USP28: variants seen among roughly 807,000 people sequenced by gnomAD.
The protein encoded by USP28 is ubiquitin specific peptidase 28, also known as ubiquitin carboxyl-terminal hydrolase 28.
In USP28, 113 loss-of-function variants were observed where a neutral mutation model predicts 145.0. The observed-to-expected ratio is 0.78, with a 90% CI of 0.67 to 0.91. The LOEUF is 0.91. Among genes scored for constraint, USP28 ranks in the 40% least tolerant of loss-of-function variants. The probability of loss-of-function intolerance (pLI) is 0.00; values close to 1 mark genes in which losing one functional copy is unlikely to be tolerated. For synonymous variants in USP28, 447 were observed against 450.9 expected, an observed-to-expected ratio of 0.99 and a Z score of 0.11; for missense variants, 1,201 against 1,289.6, an observed-to-expected ratio of 0.93 and a Z score of 1.05.
chr11:113,856,391 A>C (rs1238764575), intron 1 of USP28, among the ~76,000 whole-genome samples: 1 of 152,246 alleles, frequency 6.6e-6, no homozygotes, highest in African/African-American at 2.4e-5. Context: ...TATAAAAATT[A>C]ACATTTATGA....
intron 3 of USP28, among the ~76,000 whole-genome samples, chr11:113,847,959 T>C (rs1946064380): frequency 6.6e-6 from 1 of 152,152 alleles, no homozygotes. Context: ...CTATCTCAAC[T>C]TCCTCTCATG....
At chr11:113,816,642 A>C (rs1176245312) in intron 13 of USP28, among the ~76,000 whole-genome samples, 1 of 152,212 alleles carries the variant, frequency 6.6e-6, no homozygotes, top group African/African-American at 2.4e-5. Context: ...CCAACAAGGG[A>C]ACAGATATCT....
rs1278575998 is a variant in USP28, at chr11:113,875,507, A to AGGCGCCCAGCCGC, written c.-19_-7dup. 4 of 1,169,216 alleles carry AGGCGCCCAGCCGC rather than the reference A, an allele frequency of 3.4e-6. No individual in the cohort carries two copies. The African/African-American group carries it at 6.5e-5, about 19-fold the overall frequency. 72.4% of individuals were successfully genotyped at this position (1,169,216 alleles called of 1,614,324 possible). A position where few individuals can be genotyped will look rare whatever the true frequency, so the allele number is the denominator to read the frequency against. On this transcript the variant is annotated 5_prime_UTR_variant, in exon 1 of 25. Transcript: ENST00000003302. ...TGCTGCAGCTCCGCAGTCATGGCCG[A>AGGCGCCCAGCCGC]GGCGCCCAGCCGCGGGTCACCGGTC...
At chr11:113,874,257 G>C (rs1949133433) in intron 1 of USP28, among the ~76,000 whole-genome samples, 1 of 151,444 alleles carries the variant, frequency 6.6e-6, no homozygotes, top group South Asian at 2.1e-4. Context: ...TTTGAGACCA[G>C]CCTGACCAAT....
chr11:113,817,896 G>A lies in USP28; in HGVS notation c.1284-59C>T, dbSNP rs563588275. ...AAGGCTGTTTTGTATTTTAAGAGTC[G>A]CTGACAAAAGATCTGTTTATCACAG... On this transcript the variant is annotated intron_variant, in intron 12 of 24. Coordinates refer to ENST00000003302, the Ensembl canonical transcript of USP28. The A allele has an allele frequency of 2.9e-4, 453 of 1,558,116 alleles. 1 individual carries two copies. In the African/African-American group the frequency reaches 5.1e-3, roughly 18 times the overall value.
intron 12 of USP28, among the ~76,000 whole-genome samples, chr11:113,819,207 G>A (rs1405793057): frequency 6.6e-6 from 1 of 151,746 alleles, no homozygotes; most frequent in Non-Finnish European, 1.5e-5. Context: ...CTGCCTCCTG[G>A]GTTCAAGCAA....
intron 3 of USP28, among the ~76,000 whole-genome samples, chr11:113,850,276 C>T (rs1329877622): frequency 1.3e-5 from 2 of 152,228 alleles, no homozygotes; most frequent in East Asian, 1.9e-4. Context: ...AAAAAACTCT[C>T]GCATACAAGG....
exon 25 of USP28, chr11:113,799,405 C>T: frequency 6.2e-7 from 1 of 1,612,674 alleles, no homozygotes; most frequent in Non-Finnish European, 8.5e-7. Flanking sequence ...CTAGGCACAG[C>T]TGCAGATTTT....
At chr11:113,826,748 C>T (rs1022928248) in intron 11 of USP28, among the ~76,000 whole-genome samples, 3 of 151,746 alleles carry the variant, frequency 2.0e-5, no homozygotes. Flanking sequence ...GGAGAAACCC[C>T]GTCTCTACTA....
rs142907658 is a variant in USP28 at position 113,837,168 on chromosome 11, T to A, written c.535-2833A>T. On this transcript the variant is annotated intron_variant, in intron 5 of 24. Transcript: ENST00000003302. ...TATTATACACATTTTATTCAGCTAG[T>A]TCATCATTCTGTTAGTTTTTAGTTT... 4.7e-4 allele frequency among the ~76,000 whole-genome samples: 71 copies of A among 152,328 alleles called. No individual in the cohort carries two copies. In the Middle Eastern group the frequency reaches 0.01, roughly 22 times the overall value.
At chr11:113,831,680 AAC>A (rs1943996755) in intron 8 of USP28, among the ~76,000 whole-genome samples, 1 of 152,152 alleles carries the variant, frequency 6.6e-6, no homozygotes, top group Admixed American at 6.5e-5. Context: ...TAACAAAGTT[AAC>A]AGTTACAGTC....
At chr11:113,855,365 C>T (rs1335254725) in intron 1 of USP28, among the ~76,000 whole-genome samples, 1 of 152,142 alleles carries the variant, frequency 6.6e-6, no homozygotes, top group Non-Finnish European at 1.5e-5. Context: ...AACTGGCTGG[C>T]CCAACTTGAG....
intron 12 of USP28, among the ~76,000 whole-genome samples, chr11:113,823,382 T>C (rs1264155932): frequency 6.6e-6 from 1 of 152,188 alleles, no homozygotes; most frequent in Non-Finnish European, 1.5e-5. Context: ...TAACTAACTG[T>C]GTGACTCTGA....
At chr11:113,867,732 C>T (rs1054350645) in intron 1 of USP28, among the ~76,000 whole-genome samples, 1 of 148,028 alleles carries the variant, frequency 6.8e-6, no homozygotes, top group Admixed American at 6.9e-5. Context: ...TAGCTAGACC[C>T]CAACTCTATG....
At chr11:113,816,639 G>A (rs1019823773) in intron 13 of USP28, among the ~76,000 whole-genome samples, 2 of 152,052 alleles carry the variant, frequency 1.3e-5, no homozygotes, top group African/African-American at 4.8e-5. Flanking sequence ...AGCCCAACAA[G>A]GGAACAGATA....
chr11:113,819,066 A>C (rs186467629), intron 12 of USP28, among the ~76,000 whole-genome samples: 80 of 152,194 alleles, frequency 5.3e-4, no homozygotes, highest in Middle Eastern at 3.4e-3. Context: ...AATTTTCAAA[A>C]ATATATCAAG....
intron 1 of USP28, 62 bp from the exon 2 acceptor site, chr11:113,854,397 T>A: frequency 6.7e-7 from 1 of 1,491,530 alleles, no homozygotes; most frequent in Non-Finnish European, 9.3e-7. Context: ...TGGGTACATT[T>A]AAAGAATAAC....
intron 1 of USP28, among the ~76,000 whole-genome samples, chr11:113,871,634 G>C: frequency 6.6e-6 from 1 of 152,072 alleles, no homozygotes; most frequent in East Asian, 1.9e-4. Flanking sequence ...GAAATGAAAG[G>C]GGGAAAAAGG....
At chr11:113,864,251 T>TA (rs1948046420) in intron 1 of USP28, among the ~76,000 whole-genome samples, 1 of 151,568 alleles carries the variant, frequency 6.6e-6, no homozygotes, top group South Asian at 2.1e-4. Flanking sequence ...AAAAAAAAGG[T>TA]AAAAAAACTG....
Sources: gnomAD v4.1 joint callset for allele counts (sites outside exome capture counted in the v4.1 genomes callset) on GRCh38, gnomAD v4.1.1 for gene constraint, MANE v1.5 for transcripts, NCBI Gene and HGNC (gene_info 2026-07-23, HGNC 2026-07-21) for gene names.